NECTIN2: variants seen among roughly 807,000 people sequenced by gnomAD.
The protein encoded by NECTIN2 is nectin-2.
In NECTIN2, 23 loss-of-function variants were observed where a neutral mutation model predicts 56.9. The observed-to-expected ratio is 0.40, with a 90% CI of 0.29 to 0.57. The LOEUF is 0.57. Among genes scored for constraint, NECTIN2 ranks in the 20% least tolerant of loss-of-function variants. The pLI, the probability that NECTIN2 is intolerant of heterozygous loss-of-function variation, is 0.38. For missense variants in NECTIN2, 587 were observed against 718.3 expected (o/e 0.82, Z 2.09); for synonymous variants, 302 against 313.8 (o/e 0.96, Z 0.40).
rs1342544983 is a variant in NECTIN2 at position 44,873,553 on chromosome 19, A to G, written c.776-363A>G. 2.6e-5 allele frequency among the ~76,000 whole-genome samples: 4 copies of G among 152,104 alleles called. No individual in the cohort carries two copies. The East Asian group carries it at 5.8e-4, about 22-fold the overall frequency. On this transcript the variant is annotated intron_variant, in intron 3 of 8. Coordinates refer to ENST00000252483, the MANE Select transcript of NECTIN2 (RefSeq NM_001042724.2). Reference sequence around the variant, plus strand: ...GAGGCTGAGGCGGAGGGATGGCTTGAGCCCAGGACGTGGAGTTTGCAGTAA... The same window carrying G: ...GAGGCTGAGGCGGAGGGATGGCTTGGGCCCAGGACGTGGAGTTTGCAGTAA...
chr19:44,864,136 A>G (rs1599915214), intron 1 of NECTIN2, among the ~76,000 whole-genome samples: 1 of 147,686 alleles, frequency 6.8e-6, no homozygotes, highest in Non-Finnish European at 1.5e-5. Context: ...GGAGTTCAAG[A>G]CCAGCCTGGG....
intron 1 of NECTIN2, among the ~76,000 whole-genome samples, chr19:44,847,663 GGGC>G (rs1568584800): frequency 6.6e-6 from 1 of 152,166 alleles, no homozygotes; most frequent in East Asian, 1.9e-4. Context: ...GAATGGTCGG[GGGC>G]GACGGAGACG....
chr19:44,882,171 T>G, intron 5 of NECTIN2, 40 bp from the exon 6 acceptor site: 1 of 1,372,416 alleles, frequency 7.3e-7, no homozygotes, highest in East Asian at 2.8e-5. Context: ...AGCTGTGGCT[T>G]CCTCCTGGAG....
chr19:44,846,988 T>C (rs991028483), intron 1 of NECTIN2, among the ~76,000 whole-genome samples: 2 of 152,018 alleles, frequency 1.3e-5, no homozygotes, highest in Non-Finnish European at 2.9e-5. Flanking sequence ...GGTCTCTGTC[T>C]CCTCTACCCC....
Position 44,846,304 on chromosome 19 carries a change from C to T in NECTIN2, c.-222C>T. On this transcript the variant is annotated 5_prime_UTR_variant, in exon 1 of 9. Coordinates refer to ENST00000252483, the MANE Select transcript of NECTIN2 (RefSeq NM_001042724.2). ...GAGCAGCGGGTGGATCCTGTGACGTCAGCGGGTTCGAACCGCCGGAGCTGA... is the reference window on the plus strand; with the variant it reads ...GAGCAGCGGGTGGATCCTGTGACGTTAGCGGGTTCGAACCGCCGGAGCTGA... 2.1e-6 allele frequency: 1 copy of T among 471,578 alleles called. No individual in the cohort carries two copies. The highest frequency in any genetic ancestry group is 3.6e-6 in the Non-Finnish European group (1 of 276,632). 29.2% of individuals were successfully genotyped at this position (471,578 alleles called of 1,614,324 possible).
intron 5 of NECTIN2, among the ~76,000 whole-genome samples, chr19:44,881,290 T>G (rs1969305146): frequency 6.6e-6 from 1 of 152,134 alleles, no homozygotes; most frequent in Non-Finnish European, 1.5e-5. Flanking sequence ...CCGCATTCTC[T>G]GTCTTCTAGC....
intron 2 of NECTIN2, among the ~76,000 whole-genome samples, chr19:44,869,189 A>T (rs1969141297): frequency 6.6e-6 from 1 of 151,024 alleles, no homozygotes; most frequent in African/African-American, 2.4e-5. Flanking sequence ...AGATAACTTC[A>T]GGGCTGGGCA....
chr19:44,874,116 T>TG lies in NECTIN2; in HGVS notation c.893+88dup, dbSNP rs1723477862. The TG allele has an allele frequency of 3.1e-6, 4 of 1,275,488 alleles. No individual in the cohort carries two copies. Among genetic ancestry groups the TG allele is most frequent in the Non-Finnish European group, 4.4e-6 (4 of 910,704 alleles). 79.0% of individuals were successfully genotyped at this position (1,275,488 alleles called of 1,614,324 possible). A position where few individuals can be genotyped will look rare whatever the true frequency, so the allele number is the denominator to read the frequency against. ...CTCCTGGATCTAAGGGAGGAGGGGC[T>TG]GGGGGCCTGGACTCCTGGATCTGAG... On this transcript the variant is annotated intron_variant, in intron 4 of 8. Transcript: ENST00000252483. This position sits in a 1 kb window ranked among gnomAD's most constrained non-coding sequence, Gnocchi z 6.3.
chr19:44,886,347 C>A, intron 8 of NECTIN2, 128 bp downstream of exon 8: 1 of 709,404 alleles, frequency 1.4e-6, no homozygotes, highest in Non-Finnish European at 2.4e-6. Context: ...CCGGTTGGTG[C>A]TTAATGCATT....
chr19:44,874,698 G>C lies in NECTIN2; in HGVS notation c.1042+220G>C, dbSNP rs185364366. On this transcript the variant is annotated intron_variant, in intron 5 of 8. Coordinates refer to ENST00000252483, the MANE Select transcript of NECTIN2 (RefSeq NM_001042724.2). The surrounding 1 kb of genome is among the most constrained non-coding windows in gnomAD (Gnocchi z 6.3). Reference sequence around the variant, plus strand: ...GGTAGGTGAAGGCAGCAGAGTTGGGGGGTTGAGGACTTTGCTCGGGGTTCC... The same window carrying C: ...GGTAGGTGAAGGCAGCAGAGTTGGGCGGTTGAGGACTTTGCTCGGGGTTCC... The C allele has an allele frequency of 1.1e-3, 607 of 577,022 alleles. 10 individuals carry two copies. The East Asian group carries it at 0.018, about 17-fold the overall frequency. The allele number at this position is 577,022 out of a possible 1,614,324, so 35.7% of individuals were successfully genotyped here. A position where few individuals can be genotyped will look rare whatever the true frequency, so the allele number is the denominator to read the frequency against.
At chr19:44,884,420 G>A (rs1969338507) in intron 6 of NECTIN2, among the ~76,000 whole-genome samples, 1 of 152,174 alleles carries the variant, frequency 6.6e-6, no homozygotes, top group Non-Finnish European at 1.5e-5. Context: ...CTCCCAAAGT[G>A]CTCGGATTAC....
chr19:44,878,953 T>A, intron 5 of NECTIN2: 2 of 1,090,356 alleles, frequency 1.8e-6, no homozygotes, highest in African/African-American at 1.6e-5. Context: ...GGGTGTCTTG[T>A]AATACATCAG....
At chr19:44,878,271 C>A in intron 5 of NECTIN2, 1 of 1,096,262 alleles carries the variant, frequency 9.1e-7, no homozygotes, top group Non-Finnish European at 1.3e-6. Flanking sequence ...GTGTGGGGGG[C>A]CGTGGGGGGG....
At chr19:44,883,586 T>G (rs1354239469) in intron 6 of NECTIN2, among the ~76,000 whole-genome samples, 2 of 152,144 alleles carry the variant, frequency 1.3e-5, no homozygotes, top group Non-Finnish European at 2.9e-5. Flanking sequence ...ATGCCAGCAC[T>G]TTGGAAGGCC....
At chr19:44,877,951 A>G (rs980303744) in intron 5 of NECTIN2, among the ~76,000 whole-genome samples, 2 of 152,004 alleles carry the variant, frequency 1.3e-5, no homozygotes, top group South Asian at 2.1e-4. Context: ...TTTGCAAAAC[A>G]CTAACACCTG....
intron 5 of NECTIN2, among the ~76,000 whole-genome samples, chr19:44,879,983 GTCTC>G (rs1341266890): frequency 6.6e-6 from 1 of 151,856 alleles, no homozygotes; most frequent in Non-Finnish European, 1.5e-5. Flanking sequence ...CCGAGGGGCA[GTCTC>G]TCTCTCTCAC....
intron 5 of NECTIN2, chr19:44,878,102 T>C (rs568573967): frequency 5.4e-6 from 3 of 554,352 alleles, no homozygotes; most frequent in East Asian, 2.9e-5. Context: ...TTCTGGTCAC[T>C]CCCGCTCCCT....
chr19:44,878,367 G>T (rs1316079408), intron 5 of NECTIN2: 2 of 1,553,518 alleles, frequency 1.3e-6, no homozygotes, highest in Admixed American at 3.9e-5. Flanking sequence ...AGCCCTGGAG[G>T]AGCAGGAGGA....
intron 1 of NECTIN2, among the ~76,000 whole-genome samples, chr19:44,864,548 C>T (rs903229684): frequency 2.6e-5 from 4 of 151,834 alleles, no homozygotes; most frequent in African/African-American, 7.3e-5. Flanking sequence ...TGGCCGGGCG[C>T]GGTGGCTCAC....
Sources: gnomAD v4.1 joint callset for allele counts (sites outside exome capture counted in the v4.1 genomes callset) on GRCh38, gnomAD v4.1.1 for gene constraint, Gnocchi (gnomAD v3.1) non-coding constraint, MANE v1.5 for transcripts, NCBI Gene and HGNC (gene_info 2026-07-23, HGNC 2026-07-21) for gene names.